Variants in RAB38 observed in about 807,000 individuals in gnomAD.
RAB38 encodes the protein ras-related protein Rab-38.
A neutral mutation model predicts 18.4 loss-of-function variants in RAB38; 15 were observed. The ratio of observed to expected loss-of-function variants is 0.82; its 90% confidence interval spans 0.55 to 1.26. The LOEUF is 1.26. Among genes scored for constraint, RAB38 ranks in the 50% most tolerant of loss-of-function variants. RAB38 has a pLI of 0.00. For missense variants in RAB38, 294 were observed against 267.4 expected (o/e 1.10, Z -0.69); for synonymous variants, 101 against 104.4 (o/e 0.97, Z 0.20).
chr11:87,846,264 C>T, the RAB38 span, among the ~76,000 whole-genome samples: 1 of 151,902 alleles, frequency 6.6e-6, no homozygotes, highest in African/African-American at 2.4e-5. Flanking sequence ...TTACATAAAA[C>T]GTTATTGGTT....
the RAB38 span, among the ~76,000 whole-genome samples, chr11:87,849,065 C>T: frequency 2.6e-5 from 4 of 152,046 alleles, no homozygotes; most frequent in Non-Finnish European, 4.4e-5. Flanking sequence ...TCAGTTGAAA[C>T]AGTACTATGG....
chr11:87,818,703 A>T, the RAB38 span, among the ~76,000 whole-genome samples: 3 of 152,182 alleles, frequency 2.0e-5, no homozygotes, highest in African/African-American at 7.2e-5. Flanking sequence ...TTTTAAAAAA[A>T]TTTATTTTCT....
At chr11:87,952,965 T>TTTAAAACA in the RAB38 span, among the ~76,000 whole-genome samples, 1 of 152,152 alleles carries the variant, frequency 6.6e-6, no homozygotes, top group South Asian at 2.1e-4. Context: ...TGTTTTTAAT[T>TTTAAAACA]TTAAAACATT....
At chr11:87,885,236 C>T in the RAB38 span, among the ~76,000 whole-genome samples, 1 of 151,086 alleles carries the variant, frequency 6.6e-6, no homozygotes, top group Non-Finnish European at 1.5e-5. Flanking sequence ...CCTGAATATT[C>T]CTGCTTCTGC....
chr11:88,157,910 A>G (rs1943145156), intron 1 of RAB38, among the ~76,000 whole-genome samples: 1 of 152,096 alleles, frequency 6.6e-6, no homozygotes, highest in African/African-American at 2.4e-5. Flanking sequence ...TAACATCAGA[A>G]CAAAAAAACA....
intron 1 of RAB38, among the ~76,000 whole-genome samples, chr11:88,159,235 AAAAAT>A (rs1470440769): frequency 6.7e-6 from 1 of 149,252 alleles, no homozygotes; most frequent in Non-Finnish European, 1.5e-5. Context: ...ATAAATAAAT[AAAAAT>A]AAAATAAAAT....
the RAB38 span, among the ~76,000 whole-genome samples, chr11:87,925,915 A>C: frequency 1.3e-5 from 2 of 152,098 alleles, no homozygotes; most frequent in South Asian, 4.2e-4. Flanking sequence ...TTCTTCTAAC[A>C]TTGATACCTG....
chr11:88,084,455 A>G, the RAB38 span, among the ~76,000 whole-genome samples: 9 of 151,854 alleles, frequency 5.9e-5, no homozygotes, highest in Non-Finnish European at 1.0e-4. Flanking sequence ...CTGCTACTAC[A>G]AGAAAAGAAG....
the RAB38 span, among the ~76,000 whole-genome samples, chr11:88,029,969 A>T: frequency 1.3e-5 from 2 of 152,174 alleles, no homozygotes; most frequent in African/African-American, 4.8e-5. Flanking sequence ...AATTGACCAC[A>T]TACATGGAGG....
chr11:87,948,757 G>T, the RAB38 span, among the ~76,000 whole-genome samples: 2 of 148,942 alleles, frequency 1.3e-5, no homozygotes, highest in Non-Finnish European at 3.0e-5. Flanking sequence ...GATCATGGTG[G>T]ATAAGCTTTT....
At chr11:88,090,403 T>C in the RAB38 span, among the ~76,000 whole-genome samples, 2 of 151,968 alleles carry the variant, frequency 1.3e-5, no homozygotes, top group African/African-American at 4.8e-5. Flanking sequence ...TTTCTAAGTA[T>C]AGCAAGAGAG....
chr11:87,950,573 C>T, the RAB38 span, among the ~76,000 whole-genome samples: 1,667 of 152,270 alleles, frequency 0.011, 28 homozygotes, highest in African/African-American at 0.035. Context: ...TCTTTTAAGG[C>T]AGGCCTGGTA....
At chr11:88,015,401 C>A in the RAB38 span, among the ~76,000 whole-genome samples, 2 of 152,144 alleles carry the variant, frequency 1.3e-5, no homozygotes, top group South Asian at 2.1e-4. Flanking sequence ...CTCATTGTAA[C>A]CTTGGGCAAG....
At position 88,114,184 on chromosome 11, in the gene RAB38, G is replaced by A. The variant is rs562106566; in HGVS notation, c.484-44C>T. 2.0e-3 allele frequency: 3,188 copies of A among 1,593,998 alleles called. 89 individuals carry two copies. The South Asian group carries it at 0.032, about 16-fold the overall frequency. The stretch of plus-strand genomic sequence containing the variant: ...AACAGCTTTTCTTATTCAATACTCT[G>A]AAATAATGCTAGAGCAGAGACTTAT... On this transcript the variant is annotated intron_variant, in intron 2 of 2. Transcript: ENST00000243662.
At chr11:87,969,134 G>C in the RAB38 span, among the ~76,000 whole-genome samples, 5 of 152,058 alleles carry the variant, frequency 3.3e-5, no homozygotes, top group African/African-American at 1.2e-4. Context: ...GGACAAGGAA[G>C]AAGATAAAAA....
the RAB38 span, among the ~76,000 whole-genome samples, chr11:87,819,932 G>A: frequency 6.6e-6 from 1 of 152,026 alleles, no homozygotes; most frequent in Non-Finnish European, 1.5e-5. Flanking sequence ...GATAGATACT[G>A]TGTTATGGGC....
the RAB38 span, among the ~76,000 whole-genome samples, chr11:88,025,120 C>A: frequency 6.6e-6 from 1 of 151,576 alleles, no homozygotes; most frequent in Admixed American, 6.6e-5. Flanking sequence ...CAAAATATCG[C>A]ATATATCTCA....
chr11:87,950,588 C>CA, the RAB38 span, among the ~76,000 whole-genome samples: 1 of 152,132 alleles, frequency 6.6e-6, no homozygotes, highest in South Asian at 2.1e-4. Context: ...CTGGTAGTGA[C>CA]AAAATCTCTC....
At chr11:87,977,508 T>TATTATATA in the RAB38 span, among the ~76,000 whole-genome samples, 4 of 106,368 alleles carry the variant, frequency 3.8e-5, no homozygotes, top group African/African-American at 1.5e-4. Flanking sequence ...TTTATATGAT[T>TATTATATA]ATGTAATTAT....
Sources: gnomAD v4.1 joint callset for allele counts (sites outside exome capture counted in the v4.1 genomes callset) on GRCh38, gnomAD v4.1.1 for gene constraint, MANE v1.5 for transcripts, NCBI Gene and HGNC (gene_info 2026-07-23, HGNC 2026-07-21) for gene names.